The following TCHP variants were observed in gnomAD, a reference collection of about 807,000 sequenced individuals.
TCHP encodes trichoplein keratin filament binding, also known as trichoplein keratin filament-binding protein.
In TCHP, 81 loss-of-function variants were observed where a neutral mutation model predicts 88.7. The observed-to-expected ratio is 0.91, with a 90% CI of 0.76 to 1.10. The LOEUF is 1.10. Ranked by LOEUF, TCHP falls within the 50% of genes least tolerant of loss-of-function variation. The pLI, the probability that TCHP is intolerant of heterozygous loss-of-function variation, is 0.00. For synonymous variants in TCHP, 232 were observed against 232.5 expected, an observed-to-expected ratio of 1.00 and a Z score of 0.02; for missense variants, 641 against 632.1, an observed-to-expected ratio of 1.01 and a Z score of -0.15.
chr12:109,883,489 C>T, the TCHP span, among the ~76,000 whole-genome samples: 1 of 152,246 alleles, frequency 6.6e-6, no homozygotes, highest in South Asian at 2.1e-4. Context: ...CAAGTCAGAT[C>T]TCCTACTGAT....
chr12:109,900,839 C>T (rs1376528542), intron 1 of TCHP: 1 of 152,282 alleles, frequency 6.6e-6, no homozygotes, highest in African/African-American at 2.4e-5. Flanking sequence ...TGGAGGACCT[C>T]CAGAATGAGA....
chr12:109,882,388 C>CG, the TCHP span, among the ~76,000 whole-genome samples: 1 of 148,206 alleles, frequency 6.7e-6, no homozygotes, highest in African/African-American at 2.5e-5. Flanking sequence ...GAGCCAAGAC[C>CG]GTGCCATTGC....
chr12:109,884,702 T>G, the TCHP span, among the ~76,000 whole-genome samples: 1 of 152,220 alleles, frequency 6.6e-6, no homozygotes, highest in African/African-American at 2.4e-5. Context: ...AAGCATTTTT[T>G]CTTTTTTTTC....
chr12:109,893,045 G>T, the TCHP span, among the ~76,000 whole-genome samples: 17 of 152,276 alleles, frequency 1.1e-4, no homozygotes, highest in African/African-American at 3.4e-4. Context: ...AAGGGCTTTG[G>T]GTGGGGTGAG....
Position 109,911,159 on chromosome 12 carries a change from G to T in TCHP, c.976G>T (p.Ala326Ser). The change falls in exon 9 of 13, where the codon GCC becomes TCC. Residue 326 changes from alanine to serine, a missense_variant. Ala to Ser is a moderately conservative substitution (Grantham distance 99). Coordinates refer to ENST00000405876, the MANE Select transcript of TCHP (RefSeq NM_001143852.2). ...GCGGGAGCAGGTCATGGCCGATGTG[G>T]CCTGGATGAAGCAGGCCATTGAGGA... ...ARREQVMADV[A>S]WMKQAIEEQL... The T allele has an allele frequency of 6.3e-7, 1 of 1,596,014 alleles. No individual in the cohort carries two copies. Among genetic ancestry groups the T allele is most frequent in the Non-Finnish European group, 8.5e-7 (1 of 1,173,544 alleles).
chr12:109,909,108 T>G (rs1469816447), intron 8 of TCHP, among the ~76,000 whole-genome samples, 171 bp downstream of exon 8: 3 of 152,214 alleles, frequency 2.0e-5, no homozygotes, highest in Admixed American at 6.5e-5. Context: ...CTGGGAGTAG[T>G]GTCCATCATG....
chr12:109,887,241 G>A, the TCHP span, among the ~76,000 whole-genome samples: 3 of 151,882 alleles, frequency 2.0e-5, no homozygotes, highest in Non-Finnish European at 2.9e-5. Context: ...GGCCAACATG[G>A]TGAAACTCTG....
intron 8 of TCHP, among the ~76,000 whole-genome samples, chr12:109,910,755 G>A (rs767831217): frequency 5.3e-5 from 8 of 152,072 alleles, no homozygotes; most frequent in Non-Finnish European, 1.2e-4. Flanking sequence ...CTTATAAGTG[G>A]GATTTTTGCC....
At chr12:109,914,906 C>A (rs1042072633) in intron 11 of TCHP, 2 of 432,628 alleles carry the variant, frequency 4.6e-6, no homozygotes, top group Admixed American at 7.7e-5. Flanking sequence ...ATAGATCTCT[C>A]TTCATTTCAG....
the TCHP span, among the ~76,000 whole-genome samples, chr12:109,884,618 T>C: frequency 6.6e-6 from 1 of 152,230 alleles, no homozygotes; most frequent in Non-Finnish European, 1.5e-5. Flanking sequence ...ACTAGATCCG[T>C]AGGTAAAAAT....
chr12:109,903,260 G>C lies in TCHP; in HGVS notation c.188+46G>C. ...GATTGGATGGAAGTGGGGACCACTT[G>C]CTGGTCAGGGGATGAGGCCTTAAGG... On this transcript the variant is annotated intron_variant, in intron 2 of 12. Transcript: ENST00000405876. The surrounding 1 kb of genome is among the most constrained non-coding windows in gnomAD (Gnocchi z 4.6). 3 of 1,545,468 alleles carry C rather than the reference G, an allele frequency of 1.9e-6. No individual in the cohort carries two copies. Among genetic ancestry groups the C allele is most frequent in the Non-Finnish European group, 2.7e-6 (3 of 1,126,258 alleles).
upstream of TCHP, among the ~76,000 whole-genome samples, chr12:109,897,534 ATTTC>A (rs1413247344): frequency 6.6e-6 from 1 of 150,600 alleles, no homozygotes; most frequent in Admixed American, 6.6e-5. Flanking sequence ...CAACTCACAT[ATTTC>A]TTTTTCTTTT....
Position 109,916,745 on chromosome 12 carries a change from G to C in TCHP, c.*122G>C, listed in dbSNP as rs777148541. The C allele has an allele frequency of 1.2e-6, 1 of 869,044 alleles. No individual in the cohort carries two copies. The highest frequency in any genetic ancestry group is 2.4e-5 in the Admixed American group (1 of 40,852). The allele number at this position is 869,044 out of a possible 1,614,324, so 53.8% of individuals were successfully genotyped here. A position where few individuals can be genotyped will look rare whatever the true frequency, so the allele number is the denominator to read the frequency against. ...CGGGGCACTGTCAGATGGCTCAGCA[G>C]TGCCTGCTCAGGTTCATCATTGAAA... On this transcript the variant is annotated 3_prime_UTR_variant, in exon 13 of 13. Transcript: ENST00000405876.
the TCHP span, among the ~76,000 whole-genome samples, chr12:109,892,113 G>A: frequency 6.6e-6 from 1 of 152,158 alleles, no homozygotes; most frequent in Non-Finnish European, 1.5e-5. Context: ...CTTGAACCCA[G>A]GAGGTGGAGG....
At chr12:109,911,803 T>TA (rs1415852193) in intron 9 of TCHP, among the ~76,000 whole-genome samples, 1 of 143,042 alleles carries the variant, frequency 7.0e-6, no homozygotes, top group East Asian at 2.0e-4. Context: ...AGGAAATTAT[T>TA]TTTTTTTTTT....
In TCHP at chr12:109,917,722, TA is replaced by T. The variant is rs2136086569; in HGVS notation, c.*1100del. On this transcript the variant is annotated 3_prime_UTR_variant, in exon 13 of 13. Coordinates refer to ENST00000405876, the MANE Select transcript of TCHP (RefSeq NM_001143852.2). Reference sequence around the variant, plus strand: ...GTTCCTTGCAGCAATAATATTATTTTATGACTTGTATTTTTACTATACCCTT... The same window carrying T: ...GTTCCTTGCAGCAATAATATTATTTTTGACTTGTATTTTTACTATACCCTT... 6.5e-6 allele frequency: 1 copy of T among 152,786 alleles called. No individual in the cohort carries two copies. Among genetic ancestry groups the T allele is most frequent in the African/African-American group, 2.4e-5 (1 of 41,588 alleles). The allele number at this position is 152,786 out of a possible 1,614,324, so 9.5% of individuals were successfully genotyped here.
At chr12:109,904,889 A>G in intron 4 of TCHP, 96 bp downstream of exon 4, 1 of 1,178,616 alleles carries the variant, frequency 8.5e-7, no homozygotes, top group Non-Finnish European at 1.2e-6. Context: ...CCGGGTTGAA[A>G]CAGAGGAGGG....
At chr12:109,904,269 C>T in intron 3 of TCHP, 122 bp downstream of exon 3, 1 of 871,056 alleles carries the variant, frequency 1.1e-6, no homozygotes. Flanking sequence ...ACTCCAGAGC[C>T]AGCAGGAAAA....
At position 109,905,107 on chromosome 12, in the gene TCHP, G is replaced by A. The variant is rs1435980857; in HGVS notation, c.456+314G>A. 5.5e-6 allele frequency: 2 copies of A among 364,592 alleles called. No homozygotes were observed. The highest frequency in any genetic ancestry group is 1.0e-5 in the Non-Finnish European group (2 of 197,882). The allele number at this position is 364,592 out of a possible 1,614,324, so 22.6% of individuals were successfully genotyped here. ...GGGCAGGATGCAGGGTGCTGGGCCA[G>A]CCTGAGAGGATGAGCATGGGCCAGC... On this transcript the variant is annotated intron_variant, in intron 4 of 12. Transcript: ENST00000405876. This position sits in a 1 kb window ranked among gnomAD's most constrained non-coding sequence, Gnocchi z 4.0.
Sources: allele counts gnomAD v4.1 joint callset (sites outside exome capture counted in the v4.1 genomes callset), GRCh38; gene constraint gnomAD v4.1.1; non-coding constraint Gnocchi (gnomAD v3.1); transcripts MANE v1.5; gene names NCBI Gene and HGNC (gene_info 2026-07-23, HGNC 2026-07-21).